The following ANK3 variants were observed in gnomAD, a reference collection of about 807,000 sequenced individuals.
ANK3 encodes the protein ankyrin-3.
A neutral mutation model predicts 370.9 loss-of-function variants in ANK3; 57 were observed. The ratio of observed to expected loss-of-function variants is 0.15; its 90% CI spans 0.12 to 0.19. The LOEUF is 0.19. Ranked by LOEUF, ANK3 falls within the 10% of genes least tolerant of loss-of-function variation. The pLI, the probability that ANK3 is intolerant of heterozygous loss-of-function variation, is 1.00. For synonymous variants in ANK3, 1,929 were observed against 1,946.3 expected (o/e 0.99, Z 0.23); for missense variants, 4,439 against 5,302.1 (o/e 0.84, Z 5.06).
At chr10:60,053,742 G>C in intron 42 of ANK3, 1 of 1,303,670 alleles carries the variant, frequency 7.7e-7, no homozygotes, top group Non-Finnish European at 1.0e-6. Context: ...TTTTTTAGGG[G>C]ATAAAAAGGG....
At chr10:60,192,857 G>C (rs1247396291) in intron 16 of ANK3, among the ~76,000 whole-genome samples, 1 of 152,102 alleles carries the variant, frequency 6.6e-6, no homozygotes, top group Non-Finnish European at 1.5e-5. Context: ...AAAAGTCACA[G>C]GGAACTTGCC....
chr10:60,165,205 ACAT>A (rs1268884166), intron 23 of ANK3, among the ~76,000 whole-genome samples: 1 of 152,182 alleles, frequency 6.6e-6, no homozygotes, highest in Non-Finnish European at 1.5e-5. Flanking sequence ...CATACTTTTG[ACAT>A]CATGTTTTGT....
intron 2 of ANK3, among the ~76,000 whole-genome samples, chr10:60,469,020 CCACTTTTAGTGTAT>C (rs2065084803): frequency 3.8e-5 from 1 of 26,208 alleles, no homozygotes; most frequent in African/African-American, 1.4e-4. Flanking sequence ...TATATATATA[CCACTTTTAGTGTAT>C]ATATATATAT....
chr10:60,419,752 A>G (rs2063740779), intron 2 of ANK3, among the ~76,000 whole-genome samples: 1 of 152,158 alleles, frequency 6.6e-6, no homozygotes, highest in Non-Finnish European at 1.5e-5. Context: ...GACACCTGGA[A>G]TGAATCCTAA....
At chr10:60,560,331 T>C (rs972002320) in intron 2 of ANK3, among the ~76,000 whole-genome samples, 26 of 152,280 alleles carry the variant, frequency 1.7e-4, no homozygotes, top group Admixed American at 1.3e-3. Context: ...CAAAATTCTA[T>C]GAAAGACAGT....
intron 2 of ANK3, among the ~76,000 whole-genome samples, chr10:60,442,213 G>A (rs1187361804): frequency 3.3e-5 from 5 of 150,162 alleles, no homozygotes; most frequent in African/African-American, 7.4e-5. Context: ...CTCCTGTCTC[G>A]GCCTTTCCAG....
At position 60,713,023 on chromosome 10, in the gene ANK3, C is replaced by A. The variant is rs537183539; in HGVS notation, c.57+20240G>T. Among the ~76,000 whole-genome samples, 4 of 152,262 alleles carry A rather than the reference C, an allele frequency of 2.6e-5. No homozygotes were observed. The South Asian group carries it at 6.2e-4, about 24-fold the overall frequency. ...CACAAGTACGGTGGAGACTTCGACA[C>A]CTTTTTATCAGTAATTGACAGATCC... On this transcript the variant is annotated intron_variant, in intron 1 of 43. Coordinates refer to the ANK3 transcript ENST00000373827.
chr10:60,085,316 T>C (rs1256498460), intron 30 of ANK3, 63 bp from the exon 31 acceptor site: 9 of 1,299,148 alleles, frequency 6.9e-6, no homozygotes, highest in Middle Eastern at 3.7e-4. Context: ...AAAATTTTCA[T>C]CAGATCCTGT....
chr10:60,290,654 T>TCATCC (rs1374675760), intron 1 of ANK3, among the ~76,000 whole-genome samples: 1 of 152,158 alleles, frequency 6.6e-6, no homozygotes, highest in African/African-American at 2.4e-5. Flanking sequence ...TACCCTCAGT[T>TCATCC]CATCCCTGAA....
chr10:60,537,970 G>A (rs1434311614), intron 2 of ANK3, among the ~76,000 whole-genome samples: 1 of 151,888 alleles, frequency 6.6e-6, no homozygotes, highest in Non-Finnish European at 1.5e-5. Context: ...CATTTAAAAT[G>A]TATTAGTGTA....
intron 7 of ANK3, among the ~76,000 whole-genome samples, chr10:60,252,039 C>A (rs942910440): frequency 6.6e-6 from 1 of 152,208 alleles, no homozygotes; most frequent in Non-Finnish European, 1.5e-5. Context: ...CTGGTCCATG[C>A]TGATCTTCTA....
At chr10:60,648,608 A>T (rs533983357) in intron 1 of ANK3, among the ~76,000 whole-genome samples, 12 of 150,604 alleles carry the variant, frequency 8.0e-5, no homozygotes, top group Non-Finnish European at 1.3e-4. Flanking sequence ...TGTCTCTACA[A>T]AAAATACAAA....
At chr10:60,604,140 G>A (rs969654519) in intron 2 of ANK3, among the ~76,000 whole-genome samples, 1 of 152,078 alleles carries the variant, frequency 6.6e-6, no homozygotes, top group African/African-American at 2.4e-5. Context: ...GAGGACAAAG[G>A]CACGGTAGGT....
At chr10:60,425,650 G>A (rs1374137340) in intron 2 of ANK3, among the ~76,000 whole-genome samples, 1 of 152,110 alleles carries the variant, frequency 6.6e-6, no homozygotes, top group African/African-American at 2.4e-5. Flanking sequence ...CCCAAGGCAG[G>A]CAGTTTCCTT....
rs71495624 is a variant in ANK3 at position 60,064,375 on chromosome 10, G to T, written c.12320-87C>A. 17 of 1,355,792 alleles carry T rather than the reference G, an allele frequency of 1.3e-5. No individual in the cohort carries two copies. In the African/African-American group the frequency reaches 2.1e-4, roughly 17 times the overall value. 84.0% of individuals were successfully genotyped at this position (1,355,792 alleles called of 1,614,324 possible). On this transcript the variant is annotated intron_variant, in intron 38 of 43. Coordinates refer to ENST00000280772, the MANE Select transcript of ANK3 (RefSeq NM_020987.5). ...AAGTAATGCTCAATTGCCACAAAAAGAAAAGGGAATTTTATAGTCAAGCTC... is the reference window on the plus strand; with the variant it reads ...AAGTAATGCTCAATTGCCACAAAAATAAAAGGGAATTTTATAGTCAAGCTC...
chr10:60,620,691 AC>A (rs777577655), intron 1 of ANK3, among the ~76,000 whole-genome samples: 3 of 152,116 alleles, frequency 2.0e-5, no homozygotes, highest in Non-Finnish European at 4.4e-5. Flanking sequence ...CACTTAAGAA[AC>A]CATTAGTTGT....
intron 8 of ANK3, among the ~76,000 whole-genome samples, chr10:60,226,653 CATAAT>C (rs2097168711): frequency 8.2e-6 from 1 of 122,138 alleles, no homozygotes; most frequent in African/African-American, 3.0e-5. Flanking sequence ...GATAATATAT[CATAAT>C]AAATTATAGT....
intron 11 of ANK3, 50 bp downstream of exon 11, chr10:60,205,742 G>A: frequency 7.3e-7 from 1 of 1,371,634 alleles, no homozygotes; most frequent in Non-Finnish European, 1.0e-6. Context: ...TGGCTGCTAA[G>A]GCTATACTCT....
At chr10:60,116,345 T>C (rs561762319) in intron 25 of ANK3, among the ~76,000 whole-genome samples, 1 of 152,164 alleles carries the variant, frequency 6.6e-6, no homozygotes, top group South Asian at 2.1e-4. Context: ...ATTACTTCAG[T>C]GGAAATCATG....
Sources: gnomAD v4.1 joint callset for allele counts (sites outside exome capture counted in the v4.1 genomes callset) on GRCh38, gnomAD v4.1.1 for gene constraint, MANE v1.5 for transcripts, NCBI Gene and HGNC (gene_info 2026-07-23, HGNC 2026-07-21) for gene names.